Variants in SORCS3 observed in about 807,000 individuals in gnomAD.
The protein encoded by SORCS3 is sortilin related VPS10 domain containing receptor 3, also known as VPS10 domain-containing receptor SorCS3.
Under a neutral mutation model 146.3 loss-of-function variants are expected in SORCS3, and 57 were observed. The observed-to-expected ratio is 0.39, with a 90% CI of 0.31 to 0.49. SORCS3 has a LOEUF of 0.49. SORCS3 is among the 20% of genes least tolerant of loss of function. SORCS3 has a pLI of 0.92. For synonymous variants in SORCS3, 653 were observed against 618.5 expected (o/e 1.06, Z -0.83); for missense variants, 1,341 against 1,575.5 (o/e 0.85, Z 2.52).
intron 3 of SORCS3, among the ~76,000 whole-genome samples, chr10:104,975,956 C>A (rs1368585807): frequency 6.6e-6 from 1 of 152,176 alleles, no homozygotes; most frequent in Non-Finnish European, 1.5e-5. Context: ...ACCATAAAAA[C>A]CCTAGAAGAA....
At chr10:104,849,411 C>CAA (rs10591862) in intron 2 of SORCS3, among the ~76,000 whole-genome samples, 7 of 78,018 alleles carry the variant, frequency 9.0e-5, no homozygotes, top group Admixed American at 1.6e-4. Flanking sequence ...GACTCCATCT[C>CAA]AAAAAAAAAA....
chr10:105,188,970 C>A (rs1003541008), intron 14 of SORCS3, among the ~76,000 whole-genome samples: 2 of 152,162 alleles, frequency 1.3e-5, no homozygotes, highest in Non-Finnish European at 2.9e-5. Context: ...GCACGTTTAA[C>A]TATTTGCTTA....
intron 9 of SORCS3, among the ~76,000 whole-genome samples, chr10:105,152,990 C>T (rs1206715784): frequency 6.6e-6 from 1 of 151,400 alleles, no homozygotes. Context: ...TAAAATTTAC[C>T]CTTTTAGTAT....
At chr10:105,148,431 G>C (rs1205674534) in intron 9 of SORCS3, among the ~76,000 whole-genome samples, 2 of 151,982 alleles carry the variant, frequency 1.3e-5, no homozygotes, top group African/African-American at 4.8e-5. Context: ...GAGAGAAAGA[G>C]AGAAAAAAAG....
intron 5 of SORCS3, among the ~76,000 whole-genome samples, chr10:105,046,285 T>G (rs2055371023): frequency 6.6e-6 from 1 of 152,130 alleles, no homozygotes; most frequent in African/African-American, 2.4e-5. Context: ...TTGTTGTGAT[T>G]CATAGCTTTG....
intron 4 of SORCS3, among the ~76,000 whole-genome samples, chr10:105,007,118 A>G (rs765038785): frequency 6.6e-6 from 1 of 152,334 alleles, no homozygotes; most frequent in Non-Finnish European, 1.5e-5. Flanking sequence ...AAGAAAAGGA[A>G]GTTATTCTAA....
rs918075925 is a variant in SORCS3 at position 105,247,329 on chromosome 10, A to G, written c.3103A>G (p.Lys1035Glu). 6.3e-7 allele frequency: 1 copy of G among 1,585,880 alleles called. No individual in the cohort carries two copies. The highest frequency in any genetic ancestry group is 8.7e-7 in the Non-Finnish European group (1 of 1,155,700). The change falls in exon 22 of 27, where the codon AAA (lysine) becomes GAA (glutamate). Residue 1035 changes from lysine to glutamate, a missense_variant and splice_region_variant. Lys to Glu is a moderately conservative substitution (Grantham distance 56, BLOSUM62 1). Transcript: ENST00000369701. ...IGNVIKRALV[K>E]VTSVPEDQIL... ...CAATGTCATCAAGCGAGCTCTGGTT[A>G]AAGTAAGTTGGCTTTGTCTTTTTTT...
Position 105,255,781 on chromosome 10 carries a change from A to G in SORCS3, c.3317A>G (p.Tyr1106Cys), listed in dbSNP as rs760053780. 2 of 1,613,742 alleles carry G rather than the reference A, an allele frequency of 1.2e-6. No individual in the cohort carries two copies. The highest frequency in any genetic ancestry group is 4.5e-5 in the East Asian group (2 of 44,860). ...ELKPGVQVIV[Y>C]VTQLTLAPLV... ...AAGCCGGGGGTACAAGTCATTGTGT[A>G]TGTCACACAGCTGACGTTAGGTGAG... Residue 1106 changes from tyrosine to cysteine, a missense_variant, in exon 24 of 27, where the codon TAT (tyrosine) becomes TGT (cysteine). Physicochemically the swap from Tyr to Cys is radical, Grantham distance 194 (BLOSUM62 -2). Transcript: ENST00000369701.
At chr10:105,161,349 G>A (rs1471121970) in intron 11 of SORCS3, among the ~76,000 whole-genome samples, 1 of 152,090 alleles carries the variant, frequency 6.6e-6, no homozygotes, top group Non-Finnish European at 1.5e-5. Context: ...AGCCAATTAT[G>A]CCTTCAGTGG....
intron 2 of SORCS3, among the ~76,000 whole-genome samples, chr10:104,880,073 C>A (rs1029475306): frequency 1.3e-5 from 2 of 152,144 alleles, no homozygotes; most frequent in African/African-American, 4.8e-5. Context: ...TTTTAAATAA[C>A]CATGTACCAC....
chr10:105,176,999 C>A (rs72817777), intron 13 of SORCS3, among the ~76,000 whole-genome samples: 13,267 of 149,774 alleles, frequency 0.089, 738 homozygotes, highest in Admixed American at 0.16. Flanking sequence ...ACATACTGTG[C>A]GGAGCATTGT....
intron 20 of SORCS3, 86 bp from the exon 21 acceptor site, chr10:105,245,456 A>G: frequency 6.7e-7 from 1 of 1,496,808 alleles, no homozygotes; most frequent in Non-Finnish European, 9.1e-7. Context: ...TTTCCAAGTT[A>G]GGATGACAGT....
rs71022748 is a variant in SORCS3 at position 104,940,204 on chromosome 10, TTATATATATATATATATATA to T, written c.795+24288_795+24307del. 1.1e-4 allele frequency among the ~76,000 whole-genome samples: 6 copies of T among 53,020 alleles called. 1 individual carries two copies. The highest frequency in any genetic ancestry group is 1.9e-3 in the East Asian group (2 of 1,036). 34.8% of individuals were successfully genotyped at this position (53,020 alleles called of 152,430 possible). On this transcript the variant is annotated intron_variant, in intron 3 of 26. Transcript: ENST00000369701. ...ACCGAGAGTTCCTCTTCCTTTTCTT[TTATATATATATATATATATA>T]TATATATATATATATTTTTTTTTTT...
chr10:104,800,037 A>T (rs959569015), intron 1 of SORCS3, among the ~76,000 whole-genome samples: 2 of 152,154 alleles, frequency 1.3e-5, no homozygotes, highest in African/African-American at 4.8e-5. Flanking sequence ...AATTACATGG[A>T]TGTTAATAAC....
At chr10:104,746,006 A>G (rs1477056118) in intron 1 of SORCS3, among the ~76,000 whole-genome samples, 1 of 152,170 alleles carries the variant, frequency 6.6e-6, no homozygotes. Context: ...TTGCATCCAT[A>G]TCAAAAGGAT....
chr10:104,834,210 A>C lies in SORCS3; in HGVS notation c.628-8582A>C, dbSNP rs561159839. On this transcript the variant is annotated intron_variant, in intron 1 of 26. Coordinates refer to ENST00000369701, the MANE Select transcript of SORCS3 (RefSeq NM_014978.3). Reference sequence around the variant, plus strand: ...CCTCACTGCCTTTCTAAACACAGCAACCAGAGTGATCTTGTTAAAACCTAA... The same window carrying C: ...CCTCACTGCCTTTCTAAACACAGCACCCAGAGTGATCTTGTTAAAACCTAA... Among the ~76,000 whole-genome samples the C allele has an allele frequency of 5.9e-5, 9 of 152,278 alleles. No individual in the cohort carries two copies. The South Asian group carries it at 1.7e-3, about 28-fold the overall frequency.
Position 105,216,956 on chromosome 10 carries a change from C to G in SORCS3, c.2568C>G (p.Asn856Lys). ...TGCAGGGTGATCTACAAAGGACAAA[C>G]ATCCAGCTTGACTTTGGGGATGGGA... ...LMEEGDLQRT[N>K]IQLDFGDGIA... The change falls in exon 19 of 27, where the codon AAC becomes AAG. Residue 856 changes from asparagine to lysine, a missense_variant. Coordinates refer to ENST00000369701, the MANE Select transcript of SORCS3 (RefSeq NM_014978.3). The G allele has an allele frequency of 3.7e-6, 6 of 1,614,160 alleles. No homozygotes were observed. The highest frequency in any genetic ancestry group is 5.1e-6 in the Non-Finnish European group (6 of 1,180,030).
intron 3 of SORCS3, among the ~76,000 whole-genome samples, chr10:104,916,720 C>T (rs2133600763): frequency 6.6e-6 from 1 of 152,108 alleles, no homozygotes; most frequent in East Asian, 1.9e-4. Context: ...CAAATACATG[C>T]ACCAAAATGA....
At chr10:104,862,952 T>C (rs930209411) in intron 2 of SORCS3, among the ~76,000 whole-genome samples, 20 of 152,240 alleles carry the variant, frequency 1.3e-4, no homozygotes, top group African/African-American at 4.3e-4. Context: ...ATGGGAAATG[T>C]ATGCTAAAAA....
Sources: allele counts gnomAD v4.1 joint callset (sites outside exome capture counted in the v4.1 genomes callset), GRCh38; gene constraint gnomAD v4.1.1; transcripts MANE v1.5; gene names NCBI Gene and HGNC (gene_info 2026-07-23, HGNC 2026-07-21).